Variants in ZFAND3 observed in about 807,000 individuals in gnomAD.
ZFAND3 encodes the protein AN1-type zinc finger protein 3.
A neutral mutation model predicts 29.6 loss-of-function variants in ZFAND3; 10 were observed. The ratio of observed to expected loss-of-function variants is 0.34; its 90% CI spans 0.21 to 0.57. ZFAND3 has a LOEUF of 0.57. Ranked by LOEUF, ZFAND3 falls within the 20% of genes least tolerant of loss-of-function variation. The pLI, the probability that ZFAND3 is intolerant of heterozygous loss-of-function variation, is 0.86. For missense variants in ZFAND3, 230 were observed against 304.5 expected, an observed-to-expected ratio of 0.76 and a Z score of 1.82; for synonymous variants, 128 against 112.6, an observed-to-expected ratio of 1.14 and a Z score of -0.87.
At chr6:37,911,488 T>C (rs1242457653) in intron 1 of ZFAND3, among the ~76,000 whole-genome samples, 2 of 152,234 alleles carry the variant, frequency 1.3e-5, no homozygotes, top group African/African-American at 4.8e-5. Flanking sequence ...CCTTTCATTC[T>C]GCAGGTTGTG....
chr6:37,944,954 C>A (rs1368710141), intron 2 of ZFAND3, among the ~76,000 whole-genome samples: 3 of 152,196 alleles, frequency 2.0e-5, no homozygotes, highest in Non-Finnish European at 4.4e-5. Context: ...TTTCTTTAAT[C>A]AAGGGGTGGA....
intron 2 of ZFAND3, among the ~76,000 whole-genome samples, chr6:38,050,191 T>C (rs1191772818): frequency 6.6e-6 from 1 of 151,714 alleles, no homozygotes; most frequent in African/African-American, 2.4e-5. Flanking sequence ...CTGACCTCAG[T>C]TGATCCACCC....
chr6:37,936,513 CTTAATT>C (rs1403821337), intron 2 of ZFAND3, among the ~76,000 whole-genome samples: 1 of 152,136 alleles, frequency 6.6e-6, no homozygotes, highest in East Asian at 1.9e-4. Flanking sequence ...TGTGTGCATA[CTTAATT>C]TTTAATAAAC....
intron 1 of ZFAND3, among the ~76,000 whole-genome samples, chr6:37,882,685 G>A (rs1764918729): frequency 6.7e-6 from 1 of 148,222 alleles, no homozygotes; most frequent in South Asian, 2.1e-4. Context: ...TTAGAGATGT[G>A]GGCCATGGCC....
At chr6:38,012,379 T>A (rs1429832687) in intron 2 of ZFAND3, among the ~76,000 whole-genome samples, 1 of 61,022 alleles carries the variant, frequency 1.6e-5, no homozygotes, top group Admixed American at 2.4e-4. Flanking sequence ...TTGATAGTAT[T>A]TTTTTTTTTT....
chr6:37,938,385 A>G (rs1182475991), intron 2 of ZFAND3, among the ~76,000 whole-genome samples: 1 of 152,248 alleles, frequency 6.6e-6, no homozygotes, highest in Non-Finnish European at 1.5e-5. Context: ...TGTTTGATAC[A>G]TTAATTGGTC....
chr6:37,995,343 A>C (rs910138537), intron 2 of ZFAND3, among the ~76,000 whole-genome samples: 15 of 152,172 alleles, frequency 9.9e-5, no homozygotes, highest in African/African-American at 3.6e-4. Flanking sequence ...TCAAGCACTA[A>C]ATTCTCAACC....
intron 1 of ZFAND3, among the ~76,000 whole-genome samples, chr6:37,913,916 G>A (rs1010779906): frequency 6.6e-6 from 1 of 151,762 alleles, no homozygotes; most frequent in African/African-American, 2.4e-5. Context: ...GTAGAGATGG[G>A]GTTTCGCCAT....
intron 2 of ZFAND3, among the ~76,000 whole-genome samples, chr6:37,964,864 A>G (rs932863275): frequency 6.6e-6 from 1 of 152,180 alleles, no homozygotes; most frequent in Non-Finnish European, 1.5e-5. Flanking sequence ...TCTGAGCCGT[A>G]GTTTTCTCAT....
chr6:38,116,407 A>G (rs1228614926), intron 4 of ZFAND3, among the ~76,000 whole-genome samples, 165 bp from the exon 5 acceptor site: 1 of 152,228 alleles, frequency 6.6e-6, no homozygotes, highest in Non-Finnish European at 1.5e-5. Context: ...CACGTTTGTC[A>G]TAGTTTGTGC....
intron 4 of ZFAND3, among the ~76,000 whole-genome samples, chr6:38,101,772 CAAAAAAA>C (rs57491627): frequency 0.011 from 462 of 42,732 alleles, 3 homozygotes; most frequent in African/African-American, 0.029. Context: ...GACTCCCTCT[CAAAAAAA>C]AAAAAAAAAA....
At position 38,045,965 on chromosome 6, in the gene ZFAND3, G is replaced by A. The variant is rs4714124; in HGVS notation, c.113-15628G>A. On this transcript the variant is annotated intron_variant, in intron 2 of 5. Transcript: ENST00000287218. Reference sequence around the variant, plus strand: ...TAAAGTGGTTAGCGAGAAGAGTAGCGAACAGTGTTCTCAGTAACAGCTCTT... The same window carrying A: ...TAAAGTGGTTAGCGAGAAGAGTAGCAAACAGTGTTCTCAGTAACAGCTCTT... Among the ~76,000 whole-genome samples, 1,358 of 152,264 alleles carry A rather than the reference G, an allele frequency of 8.9e-3. 66 individuals carry two copies. Among genetic ancestry groups the A allele is most frequent in the Admixed American group, 0.071 (1,091 of 15,286 alleles).
At chr6:38,110,896 G>A (rs1263322453) in intron 4 of ZFAND3, among the ~76,000 whole-genome samples, 1 of 152,196 alleles carries the variant, frequency 6.6e-6, no homozygotes, top group Non-Finnish European at 1.5e-5. Context: ...CACGGGGTGT[G>A]TGCAGGCTGC....
intron 2 of ZFAND3, among the ~76,000 whole-genome samples, chr6:38,030,093 TA>T (rs1763529316): frequency 8.4e-6 from 1 of 119,338 alleles, no homozygotes; most frequent in Non-Finnish European, 1.7e-5. Flanking sequence ...TATATATATA[TA>T]TATATATAGC....
intron 2 of ZFAND3, among the ~76,000 whole-genome samples, chr6:37,941,813 T>G (rs1306950475): frequency 6.6e-6 from 1 of 152,148 alleles, no homozygotes. Context: ...TGCATAATAA[T>G]AGTATGGAAA....
intron 5 of ZFAND3, among the ~76,000 whole-genome samples, chr6:38,129,100 CAT>C (rs1765693093): frequency 6.6e-6 from 1 of 152,206 alleles, no homozygotes; most frequent in Middle Eastern, 3.4e-3. Context: ...AGCATTTTTT[CAT>C]ATGTTTGTTT....
At chr6:38,119,154 A>G (rs937593770) in intron 5 of ZFAND3, among the ~76,000 whole-genome samples, 5 of 152,174 alleles carry the variant, frequency 3.3e-5, no homozygotes, top group East Asian at 1.9e-4. Flanking sequence ...CCTTCAAAAG[A>G]TGAAGGACAA....
chr6:37,861,847 ACT>A (rs756944062), intron 1 of ZFAND3, among the ~76,000 whole-genome samples: 14 of 152,184 alleles, frequency 9.2e-5, no homozygotes, highest in Non-Finnish European at 1.8e-4. Flanking sequence ...CTAATATTTC[ACT>A]GTTTTTAGAG....
chr6:37,979,173 A>C (rs1762538780), intron 2 of ZFAND3, among the ~76,000 whole-genome samples: 1 of 152,190 alleles, frequency 6.6e-6, no homozygotes, highest in Non-Finnish European at 1.5e-5. Context: ...ATAAAGATTT[A>C]ATGCTAAAAT....
Sources: allele counts gnomAD v4.1 joint callset (sites outside exome capture counted in the v4.1 genomes callset), GRCh38; gene constraint gnomAD v4.1.1; transcripts MANE v1.5; gene names NCBI Gene and HGNC (gene_info 2026-07-23, HGNC 2026-07-21).